The following SRSF11 variants were observed in gnomAD, a reference collection of about 807,000 sequenced individuals.
SRSF11 encodes serine/arginine-rich splicing factor 11.
In SRSF11, 9 loss-of-function variants were observed where a neutral mutation model predicts 56.0. The ratio of observed to expected loss-of-function variants is 0.16; its 90% CI spans 0.10 to 0.28. SRSF11 has a LOEUF of 0.28. Ranked by LOEUF, SRSF11 falls within the 10% of genes least tolerant of loss-of-function variation. SRSF11 has a pLI of 1.00. For missense variants in SRSF11, 421 were observed against 600.7 expected (o/e 0.70, Z 3.13); for synonymous variants, 222 against 215.3 (o/e 1.03, Z -0.27).
intron 2 of SRSF11, chr1:70,230,904 T>G (rs944948927): frequency 9.2e-6 from 11 of 1,192,198 alleles, no homozygotes; most frequent in Non-Finnish European, 1.2e-5. Flanking sequence ...CTGCCCTATA[T>G]CTAAATGATC....
intron 1 of SRSF11, 21 bp downstream of exon 1, chr1:70,221,860 CTG>C (rs1670699038): frequency 6.2e-7 from 1 of 1,613,008 alleles, no homozygotes; most frequent in Non-Finnish European, 8.5e-7. Context: ...TCCACCATCA[CTG>C]TTCCTGCTAA....
chr1:70,228,880 A>G, intron 2 of SRSF11: 1 of 984,694 alleles, frequency 1.0e-6, no homozygotes, highest in Non-Finnish European at 1.2e-6. Flanking sequence ...CTGAAGGTAA[A>G]TGATTCACTC....
chr1:70,234,882 C>A (rs1673608591), intron 4 of SRSF11, 94 bp downstream of exon 4: 2 of 998,758 alleles, frequency 2.0e-6, no homozygotes, highest in Admixed American at 5.3e-5. Context: ...AAGCTAATGG[C>A]TATGTTGTAG....
intron 2 of SRSF11, 178 bp from the exon 3 acceptor site, chr1:70,232,090 G>A: frequency 6.5e-7 from 1 of 1,544,190 alleles, no homozygotes; most frequent in Non-Finnish European, 8.7e-7. Context: ...ACACATTGAA[G>A]TTCATTCTGA....
rs776667949 is a variant in SRSF11 at position 70,250,093 on chromosome 1, GT to G, written c.1118+51del. The G allele has an allele frequency of 2.6e-6, 4 of 1,542,092 alleles. No homozygotes were observed. The East Asian group carries it at 9.1e-5, about 35-fold the overall frequency. On this transcript the variant is annotated intron_variant, in intron 10 of 11. Coordinates refer to ENST00000370949, the MANE Select transcript of SRSF11 (RefSeq NM_001350605.2). Reference sequence around the variant, plus strand: ...AATGTATTTTTTATATTTTTCAGAGGTTTTTCATTTTAAAACTGTCCTGTAG... The same window carrying G: ...AATGTATTTTTTATATTTTTCAGAGGTTTTCATTTTAAAACTGTCCTGTAG...
chr1:70,231,026 A>G (rs140227188), intron 2 of SRSF11: 2 of 1,287,336 alleles, frequency 1.6e-6, no homozygotes, highest in Admixed American at 2.3e-5. Flanking sequence ...GGCACTTCTC[A>G]GTATAGGTGG....
chr1:70,244,938 C>G (rs1676399189), intron 8 of SRSF11, 123 bp downstream of exon 8: 1 of 893,770 alleles, frequency 1.1e-6, no homozygotes, highest in East Asian at 2.8e-5. Flanking sequence ...GGGGAAGAAA[C>G]TGTCAATATT....
At chr1:70,243,917 A>T (rs549699049) in intron 7 of SRSF11, among the ~76,000 whole-genome samples, 3 of 152,260 alleles carry the variant, frequency 2.0e-5, no homozygotes, top group South Asian at 4.2e-4. Context: ...TTAATGCAGT[A>T]GGGAGGATGA....
chr1:70,224,159 TC>T (rs1246510011), intron 1 of SRSF11, among the ~76,000 whole-genome samples: 5 of 152,182 alleles, frequency 3.3e-5, no homozygotes, highest in African/African-American at 1.2e-4. Context: ...CTCCACCTCT[TC>T]CCCCTCCCTG....
At chr1:70,230,656 A>AT in intron 2 of SRSF11, 1 of 1,251,366 alleles carries the variant, frequency 8.0e-7, no homozygotes, top group Non-Finnish European at 1.0e-6. Context: ...TTGTAGTTTT[A>AT]TTTTTAAATA....
At chr1:70,217,732 A>AAAAT (rs1185500392), upstream of SRSF11, among the ~76,000 whole-genome samples, 2 of 152,228 alleles carry the variant, frequency 1.3e-5, no homozygotes, top group African/African-American at 4.8e-5. Flanking sequence ...AAGTGATTTA[A>AAAAT]AACTGTCATA....
chr1:70,250,068 A>G (rs1452450685), intron 10 of SRSF11, 21 bp downstream of exon 10: 2 of 1,582,924 alleles, frequency 1.3e-6, no homozygotes, highest in South Asian at 2.3e-5. Flanking sequence ...TAATCATTTA[A>G]ATGTATTTTT....
intron 2 of SRSF11, chr1:70,230,300 T>C (rs764491902): frequency 2.2e-4 from 225 of 1,009,614 alleles, no homozygotes; most frequent in Middle Eastern, 5.0e-4. Context: ...TGGTATGATA[T>C]GCTGTATTAA....
At chr1:70,232,407 G>A (rs1254806080) in intron 3 of SRSF11, 30 bp downstream of exon 3, 2 of 1,552,740 alleles carry the variant, frequency 1.3e-6, no homozygotes, top group Non-Finnish European at 1.8e-6. Context: ...CTTAAAGGGT[G>A]GGGAAAAAAA....
At chr1:70,246,470 G>A (rs956497877) in intron 8 of SRSF11, among the ~76,000 whole-genome samples, 3 of 152,036 alleles carry the variant, frequency 2.0e-5, no homozygotes, top group Admixed American at 2.0e-4. Flanking sequence ...GAGGTGGGTT[G>A]GGAAAGTGGT....
chr1:70,247,059 C>G, intron 9 of SRSF11, 152 bp downstream of exon 9: 3 of 1,111,058 alleles, frequency 2.7e-6, no homozygotes, highest in Non-Finnish European at 3.6e-6. Context: ...TTTTAAAAGG[C>G]AATTTGTGAA....
intron 1 of SRSF11, among the ~76,000 whole-genome samples, chr1:70,225,729 C>A (rs1170061259): frequency 1.3e-5 from 2 of 152,126 alleles, no homozygotes; most frequent in African/African-American, 4.8e-5. Context: ...ACTACACCAC[C>A]GCTCTTAGTT....
chr1:70,234,710 A>G lies in SRSF11; in HGVS notation c.462A>G (p.Pro154=), dbSNP rs1673571310. 7 of 1,606,192 alleles carry G rather than the reference A, an allele frequency of 4.4e-6. No individual in the cohort carries two copies. In the African/African-American group the frequency reaches 8.1e-5, roughly 19 times the overall value. ...PNPLTQIGAV[P]LAALGAPTLD... is the part of the protein sequence containing the mutation. ...CCATTTCACAGATTGGCGCTGTTCC[A>G]CTGGCTGCTTTGGGGGCTCCTACTC... Residue 154 remains proline, a synonymous_variant, in exon 4 of 12, where the codon CCA becomes CCG. Coordinates refer to ENST00000370949, the MANE Select transcript of SRSF11 (RefSeq NM_001350605.2).
At chr1:70,237,599 G>T in intron 6 of SRSF11, 47 bp downstream of exon 6, 1 of 1,598,626 alleles carries the variant, frequency 6.3e-7, no homozygotes. Context: ...TAGCAAAAAT[G>T]ATTTTGACAT....
Sources: allele counts gnomAD v4.1 joint callset (sites outside exome capture counted in the v4.1 genomes callset), GRCh38; gene constraint gnomAD v4.1.1; transcripts MANE v1.5; gene names NCBI Gene and HGNC (gene_info 2026-07-23, HGNC 2026-07-21).